PICALM: variants seen among roughly 807,000 people sequenced by gnomAD.
The protein encoded by PICALM is phosphatidylinositol-binding clathrin assembly protein.
A neutral mutation model predicts 80.5 loss-of-function variants in PICALM; 40 were observed. The observed-to-expected ratio is 0.50, with a 90% CI of 0.39 to 0.65. The LOEUF is 0.65. PICALM is among the 30% of genes least tolerant of loss of function. PICALM has a pLI of 0.00. For synonymous variants in PICALM, 288 were observed against 260.3 expected (o/e 1.11, Z -1.02); for missense variants, 676 against 778.9 (o/e 0.87, Z 1.57).
chr11:85,971,839 A>G (rs1204497093), intron 19 of PICALM, among the ~76,000 whole-genome samples: 1 of 151,954 alleles, frequency 6.6e-6, no homozygotes. Flanking sequence ...CTGGAGTGCA[A>G]TGGCCCAATC....
chr11:85,990,266 A>C lies in PICALM; in HGVS notation c.1392T>G (p.Thr464=). The C allele has an allele frequency of 3.8e-6, 6 of 1,599,606 alleles. No individual in the cohort carries two copies. The South Asian group carries it at 6.7e-5, about 18-fold the overall frequency. Residue 464 remains threonine, a synonymous_variant, in exon 13 of 20, where the codon ACT becomes ACG. Transcript: ENST00000393346. ...DVSTFTTRTP[T]HEMFVGFTPS... is the part of the protein sequence containing the mutation. ...GTACTTTACCAACAAACATTTCATG[A>C]GTAGGTGTCCTAGTAGTAAAAGTAG...
rs592297 is a variant in PICALM at position 86,014,894 on chromosome 11, C to T, written c.522G>A (p.Gln174=). 0.8 allele frequency: 1,250,802 copies of T among 1,569,742 alleles called. 499,942 individuals carry two copies. The highest frequency in any genetic ancestry group is 0.89 in the African/African-American group (65,559 of 73,626). Residue 174 remains glutamine (Q), a synonymous_variant, in exon 5 of 20, where the codon CAG becomes CAA. Transcript: ENST00000393346. ...CATTAAAATCAAGAAGTGCATCCAT[C>T]TGATTCTGAATAATTGGTACAGTTT... ...LLKTVPIIQN[Q]MDALLDFNVN...
intron 4 of PICALM, among the ~76,000 whole-genome samples, chr11:86,015,478 T>A (rs2095467199): frequency 6.6e-6 from 1 of 152,202 alleles, no homozygotes; most frequent in African/African-American, 2.4e-5. Flanking sequence ...TAACTAAAAC[T>A]ACTTTATTAC....
intron 7 of PICALM, among the ~76,000 whole-genome samples, chr11:86,008,050 C>T (rs1231580405): frequency 1.3e-5 from 2 of 152,104 alleles, no homozygotes; most frequent in Non-Finnish European, 2.9e-5. Flanking sequence ...ACAGATAACA[C>T]TTTAAAAACT....
chr11:85,996,053 G>A (rs771006577), intron 12 of PICALM, among the ~76,000 whole-genome samples: 16 of 151,774 alleles, frequency 1.1e-4, no homozygotes, highest in Non-Finnish European at 5.9e-5. Context: ...ACTACTTGTC[G>A]GAACAAAATA....
Position 86,026,331 on chromosome 11 carries a change from A to C in PICALM, c.310T>G (p.Phe104Val). The change falls in exon 3 of 20, where the codon TTT becomes GTT. Residue 104 changes from phenylalanine to valine, a missense_variant. Transcript: ENST00000393346. Reference protein sequence around the residue: ...IQYLASRNTLFNLSNFLDKSG... With the variant: ...IQYLASRNTLVNLSNFLDKSG... ...TTATCCAAAAAATTGCTTAAGTTAA[A>C]CAACGTGTTTCTTGAAGCCAAATAC... 6.2e-7 allele frequency: 1 copy of C among 1,604,600 alleles called. No individual in the cohort carries two copies.
At chr11:85,971,990 C>G (rs778242093) in intron 19 of PICALM, among the ~76,000 whole-genome samples, 1 of 152,032 alleles carries the variant, frequency 6.6e-6, no homozygotes, top group African/African-American at 2.4e-5. Flanking sequence ...ACCATGTTGG[C>G]CAGGCTGGTC....
chr11:85,999,153 TCTA>T (rs1440281103), intron 11 of PICALM, among the ~76,000 whole-genome samples: 1 of 152,238 alleles, frequency 6.6e-6, no homozygotes, highest in African/African-American at 2.4e-5. Context: ...AATTAGTAAT[TCTA>T]CTGTGCTATC....
intron 12 of PICALM, among the ~76,000 whole-genome samples, chr11:85,994,772 C>T (rs2094902925): frequency 6.6e-6 from 1 of 152,170 alleles, no homozygotes; most frequent in African/African-American, 2.4e-5. Context: ...GCACAAATCT[C>T]GGCTCATTGC....
chr11:86,048,766 A>C lies in PICALM; in HGVS notation c.131-17155T>G, dbSNP rs1187572026. Among the ~76,000 whole-genome samples, 3 of 146,276 alleles carry C rather than the reference A, an allele frequency of 2.1e-5. No individual in the cohort carries two copies. In the East Asian group the frequency reaches 6.3e-4, roughly 31 times the overall value. ...AGAATCGCTTGAACCTGGGAGGCAG[A>C]GGTTGCGGTGAGCCAAGATATAGCA... On this transcript the variant is annotated intron_variant, in intron 1 of 19. Transcript: ENST00000393346.
chr11:85,997,510 G>A (rs1249399816), intron 11 of PICALM, among the ~76,000 whole-genome samples: 1 of 152,066 alleles, frequency 6.6e-6, no homozygotes, highest in Non-Finnish European at 1.5e-5. Context: ...TCGCTCTGTC[G>A]CCCAGGATGG....
At chr11:86,038,308 G>A (rs1309937) in intron 1 of PICALM, among the ~76,000 whole-genome samples, 144 of 152,078 alleles carry the variant, frequency 9.5e-4, no homozygotes, top group African/African-American at 3.3e-3. Flanking sequence ...GCAACAGAGC[G>A]AGACTCCATC....
intron 4 of PICALM, among the ~76,000 whole-genome samples, chr11:86,020,918 CCAA>C: frequency 6.6e-6 from 1 of 152,062 alleles, no homozygotes; most frequent in Non-Finnish European, 1.5e-5. Flanking sequence ...TCAAAAAACA[CCAA>C]CAAGAAACTG....
At chr11:85,974,867 T>A in intron 18 of PICALM, 55 bp from the exon 19 acceptor site, 1 of 1,185,216 alleles carries the variant, frequency 8.4e-7, no homozygotes, top group Non-Finnish European at 1.3e-6. Flanking sequence ...TTATTGTGAC[T>A]AAGTAAATAA....
intron 8 of PICALM, among the ~76,000 whole-genome samples, chr11:86,004,004 G>GT (rs1236402695): frequency 9.2e-5 from 14 of 152,186 alleles, no homozygotes; most frequent in Non-Finnish European, 1.6e-4. Context: ...ACTAGTAGGA[G>GT]TTTATCACCT....
At chr11:85,982,422 A>ATTTTTTTTTTTTTTTT (rs1446437172) in intron 14 of PICALM, among the ~76,000 whole-genome samples, 1 of 29,768 alleles carries the variant, frequency 3.4e-5, no homozygotes, top group Non-Finnish European at 6.4e-5. Context: ...GATTTTATAG[A>ATTTTTTTTTTTTTTTT]CTTTTTTTTT....
chr11:85,987,261 G>C (rs2094600957), intron 13 of PICALM, among the ~76,000 whole-genome samples: 1 of 152,158 alleles, frequency 6.6e-6, no homozygotes, highest in African/African-American at 2.4e-5. Context: ...AACAAAGAGA[G>C]ATTACATAAT....
Position 85,965,432 on chromosome 11 carries a change from C to CT in PICALM, c.1945-6373dup, listed in dbSNP as rs1238826249. ...AAAACATTTAGAGACCATGGTGCTA[C>CT]TAAATAGGATTCCACAGAGACACTG... On this transcript the variant is annotated intron_variant, in intron 19 of 19. Coordinates refer to ENST00000393346, the MANE Select transcript of PICALM (RefSeq NM_007166.4). Among the ~76,000 whole-genome samples, 4 of 152,230 alleles carry CT rather than the reference C, an allele frequency of 2.6e-5. No homozygotes were observed. The East Asian group carries it at 7.7e-4, about 29-fold the overall frequency.
intron 13 of PICALM, among the ~76,000 whole-genome samples, chr11:85,985,589 T>C (rs142237094): frequency 2.0e-5 from 3 of 152,334 alleles, no homozygotes; most frequent in African/African-American, 7.2e-5. Flanking sequence ...CTGAGAATCC[T>C]AGACTTACCA....
Sources: allele counts gnomAD v4.1 joint callset (sites outside exome capture counted in the v4.1 genomes callset), GRCh38; gene constraint gnomAD v4.1.1; transcripts MANE v1.5; gene names NCBI Gene and HGNC (gene_info 2026-07-23, HGNC 2026-07-21).